The following RAB31 variants were observed in gnomAD, a reference collection of about 807,000 sequenced individuals.
RAB31 encodes the protein ras-related protein Rab-31.
In RAB31, 21 loss-of-function variants were observed where a neutral mutation model predicts 25.6. That is an observed-to-expected ratio of 0.82 (90% CI 0.58 to 1.18). The LOEUF (loss-of-function observed/expected upper bound fraction) is 1.18, where lower values mean the gene tolerates loss of function less well. RAB31 is among the 50% of genes most tolerant of loss of function. RAB31 has a pLI of 0.00. For missense variants in RAB31, 196 were observed against 250.1 expected (o/e 0.78, Z 1.46); for synonymous variants, 87 against 84.0 (o/e 1.04, Z -0.20).
intron 5 of RAB31, among the ~76,000 whole-genome samples, chr18:9,841,559 AT>A: frequency 6.7e-6 from 1 of 149,640 alleles, no homozygotes; most frequent in Non-Finnish European, 1.5e-5. Flanking sequence ...AAAAAAAAAA[AT>A]CTCAATTGGC....
chr18:9,782,673 C>T (rs925023550), intron 2 of RAB31, among the ~76,000 whole-genome samples: 4 of 152,138 alleles, frequency 2.6e-5, no homozygotes, highest in Non-Finnish European at 5.9e-5. Context: ...GTAATCTACA[C>T]AGAAGAAAAG....
intron 1 of RAB31, among the ~76,000 whole-genome samples, chr18:9,727,793 A>C (rs2068102696): frequency 6.6e-6 from 1 of 152,244 alleles, no homozygotes; most frequent in African/African-American, 2.4e-5. Flanking sequence ...ACTGAGGTAT[A>C]GTTGACAAGT....
At chr18:9,792,034 G>A (rs749088828) in intron 2 of RAB31, 120 bp from the exon 3 acceptor site, 23 of 1,366,596 alleles carry the variant, frequency 1.7e-5, no homozygotes, top group Non-Finnish European at 2.1e-5. Context: ...CGTCTTAGTG[G>A]TTCCCAAGGA....
At chr18:9,845,043 C>T (rs2068753905) in intron 5 of RAB31, among the ~76,000 whole-genome samples, 2 of 152,056 alleles carry the variant, frequency 1.3e-5, no homozygotes, top group South Asian at 2.1e-4. Flanking sequence ...AAAACCTTTG[C>T]GAGAACATCC....
intron 5 of RAB31, among the ~76,000 whole-genome samples, chr18:9,822,976 C>T (rs942944084): frequency 2.0e-5 from 3 of 152,138 alleles, no homozygotes; most frequent in Non-Finnish European, 2.9e-5. Context: ...TTCATAGACA[C>T]GTTATTTGTA....
At chr18:9,747,395 A>C (rs745940911) in intron 1 of RAB31, among the ~76,000 whole-genome samples, 1 of 152,248 alleles carries the variant, frequency 6.6e-6, no homozygotes, top group Non-Finnish European at 1.5e-5. Context: ...GGTATATGCC[A>C]CAAAGAACTG....
chr18:9,794,539 G>T (rs1378350875), intron 3 of RAB31, among the ~76,000 whole-genome samples: 1 of 152,140 alleles, frequency 6.6e-6, no homozygotes, highest in Non-Finnish European at 1.5e-5. Context: ...CATTCAGGCT[G>T]GGCACCGTGG....
chr18:9,818,959 G>A (rs1811639624), intron 5 of RAB31, among the ~76,000 whole-genome samples: 1 of 152,100 alleles, frequency 6.6e-6, no homozygotes, highest in African/African-American at 2.4e-5. Context: ...CAAATCCCTT[G>A]CCTAATTTTT....
intron 5 of RAB31, among the ~76,000 whole-genome samples, chr18:9,824,115 T>C (rs1353393411): frequency 6.6e-6 from 1 of 152,248 alleles, no homozygotes; most frequent in East Asian, 1.9e-4. Flanking sequence ...TTTGCTCTCC[T>C]GTAATTCCCA....
chr18:9,858,314 A>G (rs1393452723), intron 6 of RAB31, among the ~76,000 whole-genome samples: 1 of 152,194 alleles, frequency 6.6e-6, no homozygotes, highest in Non-Finnish European at 1.5e-5. Flanking sequence ...TGTTTGTGAA[A>G]ATCTTTGAAA....
chr18:9,748,108 A>C (rs546965063), intron 1 of RAB31, among the ~76,000 whole-genome samples: 2 of 152,358 alleles, frequency 1.3e-5, no homozygotes, highest in Admixed American at 1.3e-4. Flanking sequence ...CTGGTGGCGT[A>C]TCTCGCAGAA....
chr18:9,824,337 A>T, intron 5 of RAB31, among the ~76,000 whole-genome samples: 2 of 128,432 alleles, frequency 1.6e-5, no homozygotes, highest in African/African-American at 6.0e-5. Context: ...TGTGTGTATA[A>T]ATGTGTGTGT....
In RAB31 at chr18:9,766,903, G is replaced by C. The variant is rs2068319078; in HGVS notation, c.40-8375G>C. Among the ~76,000 whole-genome samples, 1 of 152,180 alleles carries C rather than the reference G, an allele frequency of 6.6e-6. No homozygotes were observed. Among genetic ancestry groups the C allele is most frequent in the Non-Finnish European group, 1.5e-5 (1 of 68,036 alleles). On this transcript the variant is annotated intron_variant, in intron 1 of 6. Transcript: ENST00000578921. This position sits in a 1 kb window ranked among gnomAD's most constrained non-coding sequence, Gnocchi z 4.3. Reference sequence around the variant, plus strand: ...GCCTGGAAGGAGTAGGTTGCAGTGAGCCGATGTTGTGCCACTGTAATCCAG... The same window carrying C: ...GCCTGGAAGGAGTAGGTTGCAGTGACCCGATGTTGTGCCACTGTAATCCAG...
intron 1 of RAB31, among the ~76,000 whole-genome samples, chr18:9,748,783 C>T (rs193279516): frequency 0.014 from 2,104 of 151,716 alleles, 17 homozygotes; most frequent in Non-Finnish European, 0.021. Flanking sequence ...CCCAGCTACT[C>T]GGGAGGCTGA....
intron 1 of RAB31, among the ~76,000 whole-genome samples, chr18:9,715,898 T>C (rs991562599): frequency 2.0e-5 from 3 of 152,188 alleles, no homozygotes; most frequent in Non-Finnish European, 2.9e-5. Context: ...GTTGCAGACA[T>C]GGTGGCACTT....
At chr18:9,841,526 G>A (rs1206133590) in intron 5 of RAB31, among the ~76,000 whole-genome samples, 12 of 127,798 alleles carry the variant, frequency 9.4e-5, no homozygotes, top group African/African-American at 2.7e-4. Flanking sequence ...GCGATAGAGT[G>A]AGACTCTGTC....
chr18:9,777,079 C>T (rs939491465), intron 2 of RAB31, among the ~76,000 whole-genome samples: 23 of 152,186 alleles, frequency 1.5e-4, no homozygotes, highest in Admixed American at 5.9e-4. Flanking sequence ...CGGTGGTTCA[C>T]GCCTGTAATT....
intron 6 of RAB31, among the ~76,000 whole-genome samples, chr18:9,855,016 G>T (rs1393848830): frequency 6.6e-6 from 1 of 152,246 alleles, no homozygotes; most frequent in Non-Finnish European, 1.5e-5. Context: ...ACAGTGGAAT[G>T]GTTAGCGGGA....
At chr18:9,709,663 GA>G (rs1204759363) in intron 1 of RAB31, among the ~76,000 whole-genome samples, 5 of 152,174 alleles carry the variant, frequency 3.3e-5, no homozygotes, top group Non-Finnish European at 7.3e-5. Flanking sequence ...GGTTGGCTTA[GA>G]ATTCCAGAGG....
Sources: allele counts gnomAD v4.1 joint callset (sites outside exome capture counted in the v4.1 genomes callset), GRCh38; gene constraint gnomAD v4.1.1; non-coding constraint Gnocchi (gnomAD v3.1); transcripts MANE v1.5; gene names NCBI Gene and HGNC (gene_info 2026-07-23, HGNC 2026-07-21).